Variants in EIF4G3 observed in about 807,000 individuals in gnomAD.
The protein encoded by EIF4G3 is eIF-4-gamma 3.
Under a neutral mutation model 186.4 loss-of-function variants are expected in EIF4G3, and 34 were observed. The observed-to-expected ratio is 0.18, with a 90% CI of 0.14 to 0.24. The LOEUF (loss-of-function observed/expected upper bound fraction) is 0.24. Ranked by LOEUF, EIF4G3 falls within the 10% of genes least tolerant of loss-of-function variation. EIF4G3 has a pLI of 1.00. For missense variants in EIF4G3, 1,536 were observed against 1,948.5 expected, an observed-to-expected ratio of 0.79 and a Z score of 3.99; for synonymous variants, 673 against 679.5, an observed-to-expected ratio of 0.99 and a Z score of 0.15.
intron 30 of EIF4G3, among the ~76,000 whole-genome samples, chr1:20,829,892 T>A (rs1277084381): frequency 6.6e-6 from 1 of 152,180 alleles, no homozygotes; most frequent in African/African-American, 2.4e-5. Flanking sequence ...TATTTCTCAA[T>A]GTCAAGCAAA....
intron 29 of EIF4G3, among the ~76,000 whole-genome samples, chr1:20,846,091 T>A (rs901491532): frequency 3.3e-5 from 5 of 152,164 alleles, no homozygotes; most frequent in Non-Finnish European, 7.3e-5. Context: ...CACTGGAGAT[T>A]TGGCTTTCAG....
At chr1:20,842,373 C>CT (rs1435145288) in intron 29 of EIF4G3, among the ~76,000 whole-genome samples, 1 of 152,030 alleles carries the variant, frequency 6.6e-6, no homozygotes, top group Non-Finnish European at 1.5e-5. Context: ...AAAATGGTTT[C>CT]TTTTTTCTTT....
chr1:21,159,446 GA>G (rs1022474428), intron 2 of EIF4G3, among the ~76,000 whole-genome samples: 1 of 141,816 alleles, frequency 7.1e-6, no homozygotes, highest in Non-Finnish European at 1.5e-5. Flanking sequence ...AAAAAAAAAA[GA>G]AAAAAAAAGG....
chr1:20,942,381 A>G (rs753406072), intron 13 of EIF4G3, 51 bp from the exon 14 acceptor site: 7 of 1,515,594 alleles, frequency 4.6e-6, no homozygotes, highest in East Asian at 2.3e-5. Flanking sequence ...CAGAGACTAC[A>G]TATTGCCTTG....
At chr1:20,924,404 G>A (rs972511093) in intron 14 of EIF4G3, among the ~76,000 whole-genome samples, 1 of 152,060 alleles carries the variant, frequency 6.6e-6, no homozygotes, top group Non-Finnish European at 1.5e-5. Flanking sequence ...TCTGTTCTCC[G>A]CATTTATATT....
At chr1:21,088,246 C>T (rs1018446223) in intron 3 of EIF4G3, among the ~76,000 whole-genome samples, 9 of 151,944 alleles carry the variant, frequency 5.9e-5, no homozygotes, top group Admixed American at 2.6e-4. Flanking sequence ...CATGGTGAAA[C>T]TCTGTCTCTA....
chr1:20,973,868 T>C (rs113433094), intron 10 of EIF4G3, among the ~76,000 whole-genome samples: 164 of 152,266 alleles, frequency 1.1e-3, no homozygotes, highest in African/African-American at 3.9e-3. Context: ...CTTAAGACTA[T>C]TATTATAATT....
At chr1:20,826,806 A>G (rs1336104013) in intron 32 of EIF4G3, among the ~76,000 whole-genome samples, 1 of 152,108 alleles carries the variant, frequency 6.6e-6, no homozygotes, top group East Asian at 1.9e-4. Context: ...AGTTTTAAAT[A>G]AGGACTAAAG....
chr1:21,103,698 G>C (rs1222279668), intron 2 of EIF4G3, among the ~76,000 whole-genome samples: 1 of 152,072 alleles, frequency 6.6e-6, no homozygotes, highest in Non-Finnish European at 1.5e-5. Context: ...ACAAAAATTA[G>C]CCGAGTGTGG....
intron 2 of EIF4G3, among the ~76,000 whole-genome samples, chr1:21,114,148 C>CA (rs2096775928): frequency 2.1e-5 from 3 of 144,432 alleles, no homozygotes. Context: ...GAAAGCTGTA[C>CA]TTTTTTTTTT....
At chr1:20,809,211 G>T (rs1182026863) in intron 36 of EIF4G3, among the ~76,000 whole-genome samples, 1 of 152,104 alleles carries the variant, frequency 6.6e-6, no homozygotes, top group Admixed American at 6.6e-5. Flanking sequence ...GACCTCGGGT[G>T]ATCTGCATGC....
downstream of EIF4G3, chr1:20,806,450 C>G (rs990319313): frequency 1.3e-5 from 2 of 152,672 alleles, no homozygotes; most frequent in Admixed American, 1.3e-4. Context: ...CATGCAGCAG[C>G]TGTCCAAAGG....
chr1:20,962,588 C>G (rs1452509033), intron 12 of EIF4G3, among the ~76,000 whole-genome samples: 1 of 152,194 alleles, frequency 6.6e-6, no homozygotes, highest in African/African-American at 2.4e-5. Context: ...TTCTCTGCCT[C>G]TTGGAAGTAC....
At chr1:21,060,384 T>C (rs1212461176) in intron 3 of EIF4G3, among the ~76,000 whole-genome samples, 1 of 152,228 alleles carries the variant, frequency 6.6e-6, no homozygotes, top group Admixed American at 6.5e-5. Context: ...AGGTAATTTA[T>C]CAGTTATCTG....
intron 10 of EIF4G3, among the ~76,000 whole-genome samples, chr1:20,974,032 A>G (rs1445155176): frequency 8.5e-5 from 13 of 152,202 alleles, no homozygotes; most frequent in Non-Finnish European, 5.9e-5. Context: ...TGCCTGAGCA[A>G]GTGAAAGAAC....
intron 2 of EIF4G3, among the ~76,000 whole-genome samples, chr1:21,107,213 A>G (rs2096633407): frequency 1.3e-5 from 2 of 152,154 alleles, no homozygotes; most frequent in African/African-American, 4.8e-5. Context: ...GTCTTACTCT[A>G]TCACCCAGAC....
intron 30 of EIF4G3, among the ~76,000 whole-genome samples, chr1:20,838,748 A>G (rs1441568950): frequency 6.6e-6 from 1 of 151,870 alleles, no homozygotes; most frequent in African/African-American, 2.4e-5. Flanking sequence ...TGGTGTGATC[A>G]TGGCTTACTG....
At chr1:20,815,686 G>A (rs1289429891) in intron 34 of EIF4G3, among the ~76,000 whole-genome samples, 2 of 144,012 alleles carry the variant, frequency 1.4e-5, no homozygotes, top group Non-Finnish European at 3.1e-5. Context: ...CAGCCGCCCC[G>A]TCCGGGAGGT....
intron 4 of EIF4G3, among the ~76,000 whole-genome samples, chr1:21,013,931 A>G (rs1053489713): frequency 2.0e-4 from 30 of 152,210 alleles, no homozygotes; most frequent in African/African-American, 5.5e-4. Flanking sequence ...GCACTTTGGG[A>G]GGCTGAGGTG....
Sources: allele counts gnomAD v4.1 joint callset (sites outside exome capture counted in the v4.1 genomes callset), GRCh38; gene constraint gnomAD v4.1.1; transcripts MANE v1.5; gene names NCBI Gene and HGNC (gene_info 2026-07-23, HGNC 2026-07-21).